Variants in LRMDA observed in about 807,000 individuals in gnomAD.
LRMDA encodes leucine-rich melanocyte differentiation-associated protein.
Under a neutral mutation model 29.8 loss-of-function variants are expected in LRMDA, and 18 were observed. The observed-to-expected ratio is 0.60, with a 90% CI of 0.42 to 0.90. LRMDA has a LOEUF of 0.90. Ranked by LOEUF, LRMDA falls within the 40% of genes least tolerant of loss-of-function variation. The pLI, the probability that LRMDA is intolerant of heterozygous loss-of-function variation, is 0.00. For synonymous variants in LRMDA, 125 were observed against 109.4 expected, an observed-to-expected ratio of 1.14 and a Z score of -0.89; for missense variants, 273 against 273.9, an observed-to-expected ratio of 1.00 and a Z score of 0.02.
chr10:75,600,362 C>T (rs1201825624), intron 2 of LRMDA, among the ~76,000 whole-genome samples: 1 of 152,106 alleles, frequency 6.6e-6, no homozygotes, highest in East Asian at 1.9e-4. Context: ...GTCCATTGGC[C>T]CTGTCCCCTA....
At chr10:75,471,393 A>G (rs1844724534) in intron 2 of LRMDA, among the ~76,000 whole-genome samples, 1 of 151,894 alleles carries the variant, frequency 6.6e-6, no homozygotes, top group African/African-American at 2.4e-5. Context: ...GTTGAACTTC[A>G]GCTTCAAACC....
rs535039516 is a variant in LRMDA, at chr10:76,103,247, C to A, written c.516+44464C>A. 2.0e-5 allele frequency among the ~76,000 whole-genome samples: 3 copies of A among 152,304 alleles called. No homozygotes were observed. In the South Asian group the frequency reaches 6.2e-4, roughly 32 times the overall value. ...TAAGACTTTCCTAGCAATTTCATAA[C>A]CTTCTTGGATGGAAGATACAACATG... On this transcript the variant is annotated intron_variant, in intron 5 of 6. Coordinates refer to ENST00000611255, the MANE Select transcript of LRMDA (RefSeq NM_001305581.2).
At chr10:75,703,304 A>G (rs1311792630) in intron 2 of LRMDA, among the ~76,000 whole-genome samples, 2 of 152,226 alleles carry the variant, frequency 1.3e-5, no homozygotes, top group Non-Finnish European at 2.9e-5. Context: ...CAAGCGTCAT[A>G]TAAAAACTCA....
rs868757500 is a variant in LRMDA at position 75,598,499 on chromosome 10, A to T, written c.131+160005A>T. ...TGGACGATGTAGTATGTTTTCTGAG[A>T]GAGCTGTCCATGACATCTCCTTCTA... On this transcript the variant is annotated intron_variant, in intron 2 of 6. Coordinates refer to ENST00000611255, the MANE Select transcript of LRMDA (RefSeq NM_001305581.2). 3.2e-4 allele frequency among the ~76,000 whole-genome samples: 49 copies of T among 152,198 alleles called. 1 individual carries two copies. Among genetic ancestry groups the T allele is most frequent in the African/African-American group, 1.1e-3 (46 of 41,538 alleles).
intron 2 of LRMDA, among the ~76,000 whole-genome samples, chr10:75,632,150 G>T (rs1354595255): frequency 6.6e-6 from 1 of 152,170 alleles, no homozygotes; most frequent in Non-Finnish European, 1.5e-5. Context: ...CTGGGAGCTT[G>T]GTTACTCTAG....
rs548091017 is a variant in LRMDA, at chr10:76,356,698, C to A, written c.601+32213C>A. On this transcript the variant is annotated intron_variant, in intron 6 of 6. Transcript: ENST00000611255. Reference sequence around the variant, plus strand: ...CGTGTACATCTGTTGATATGCATTCCTCTTCATCATCTGTAGGCATTTTAC... The same window carrying A: ...CGTGTACATCTGTTGATATGCATTCATCTTCATCATCTGTAGGCATTTTAC... Among the ~76,000 whole-genome samples, 4 of 152,252 alleles carry A rather than the reference C, an allele frequency of 2.6e-5. No homozygotes were observed. The South Asian group carries it at 6.2e-4, about 24-fold the overall frequency.
At chr10:75,680,691 G>A (rs984608447) in intron 2 of LRMDA, among the ~76,000 whole-genome samples, 1 of 152,062 alleles carries the variant, frequency 6.6e-6, no homozygotes, top group Non-Finnish European at 1.5e-5. Context: ...GGTAGGACAG[G>A]AAGATAATAA....
intron 2 of LRMDA, among the ~76,000 whole-genome samples, chr10:75,775,658 C>T (rs1405146644): frequency 1.3e-5 from 2 of 152,160 alleles, no homozygotes; most frequent in Non-Finnish European, 2.9e-5. Context: ...GGGGAAACCT[C>T]CCACATCCCA....
In LRMDA at chr10:76,058,676, C is replaced by A. The variant is rs540781321; in HGVS notation, c.409C>A (p.Leu137Met). The A allele has an allele frequency of 6.2e-7, 1 of 1,613,344 alleles. No homozygotes were observed. The highest frequency in any genetic ancestry group is 1.3e-5 in the African/African-American group (1 of 74,916). ...ACTCTTATCTTCCAGATGCTTTGTT[C>A]TGTACAAGCTGCCCAACTTGAAATT... The part of the protein sequence containing the change: ...EDYKRYRCFV[L>M]YKLPNLKFLD... The change falls in exon 5 of 7, where the codon CTG becomes ATG. Residue 137 changes from leucine to methionine, a missense_variant. Transcript: ENST00000611255.
intron 5 of LRMDA, among the ~76,000 whole-genome samples, chr10:76,103,769 G>A (rs897103743): frequency 6.6e-6 from 1 of 152,120 alleles, no homozygotes; most frequent in African/African-American, 2.4e-5. Context: ...TAAAAATTCC[G>A]GCCAGACATA....
chr10:75,459,296 C>A (rs1276657745), intron 2 of LRMDA, among the ~76,000 whole-genome samples: 1 of 152,094 alleles, frequency 6.6e-6, no homozygotes, highest in Non-Finnish European at 1.5e-5. Context: ...ATTAGCCAGG[C>A]ATGGTGGCAC....
chr10:76,292,400 C>T (rs577342394), intron 5 of LRMDA, among the ~76,000 whole-genome samples: 23 of 152,190 alleles, frequency 1.5e-4, no homozygotes, highest in Admixed American at 1.2e-3. Context: ...ATCCTTGGGA[C>T]CCTAGTCTGC....
intron 5 of LRMDA, among the ~76,000 whole-genome samples, chr10:76,090,054 G>A (rs777671443): frequency 6.6e-6 from 1 of 152,140 alleles, no homozygotes; most frequent in Non-Finnish European, 1.5e-5. Flanking sequence ...TGTCAGCAGT[G>A]GAAAATAAAC....
At chr10:76,483,362 A>C (rs1002309724) in intron 6 of LRMDA, among the ~76,000 whole-genome samples, 1 of 151,940 alleles carries the variant, frequency 6.6e-6, no homozygotes, top group Non-Finnish European at 1.5e-5. Flanking sequence ...ACTCTTTGTT[A>C]CTGGCAGCTC....
chr10:75,910,719 G>T (rs138658588), intron 2 of LRMDA, among the ~76,000 whole-genome samples: 10 of 152,288 alleles, frequency 6.6e-5, no homozygotes, highest in African/African-American at 2.4e-4. Flanking sequence ...TGATTCCTGT[G>T]CTCTTTTAGC....
rs1225951825 is a variant in LRMDA, at chr10:76,543,828, T to A, written c.602-13381T>A. Among the ~76,000 whole-genome samples the A allele has an allele frequency of 2.6e-5, 4 of 152,184 alleles. No homozygotes were observed. In the East Asian group the frequency reaches 7.7e-4, roughly 29 times the overall value. On this transcript the variant is annotated intron_variant, in intron 6 of 6. Coordinates refer to ENST00000611255, the MANE Select transcript of LRMDA (RefSeq NM_001305581.2). ...CTTTCCTTTGTGGCTGTGCCCAATG[T>A]TCATTCAAATAAAATTTCAATTGTA...
chr10:76,486,562 C>T (rs1842784318), intron 6 of LRMDA, among the ~76,000 whole-genome samples: 1 of 151,754 alleles, frequency 6.6e-6, no homozygotes, highest in Non-Finnish European at 1.5e-5. Flanking sequence ...CTGAAGAGTC[C>T]CTTTTCCTGA....
chr10:76,489,828 T>TTA (rs145825277), intron 6 of LRMDA, among the ~76,000 whole-genome samples: 11,948 of 150,460 alleles, frequency 0.079, 673 homozygotes, highest in African/African-American at 0.15. Context: ...TGTTCCCCAA[T>TTA]TATATGTATA....
rs1265901012 is a variant in LRMDA, at chr10:76,498,950, T to A, written c.602-58259T>A. 1.3e-3 allele frequency among the ~76,000 whole-genome samples: 93 copies of A among 69,854 alleles called. 25 individuals are homozygous for A. The highest frequency in any genetic ancestry group is 3.1e-3 in the African/African-American group (90 of 28,902). The allele number at this position is 69,854 out of a possible 152,430, so 45.8% of individuals were successfully genotyped here. A position where few individuals can be genotyped will look rare whatever the true frequency, so the allele number is the denominator to read the frequency against. On this transcript the variant is annotated intron_variant, in intron 6 of 6. Transcript: ENST00000611255. ...TCTATTTATAAGCCTTACAAGTTAA[T>A]GCTGGAAAGGCCAATGAGAAGAAAA...
Sources: allele counts gnomAD v4.1 joint callset (sites outside exome capture counted in the v4.1 genomes callset), GRCh38; gene constraint gnomAD v4.1.1; transcripts MANE v1.5; gene names NCBI Gene and HGNC (gene_info 2026-07-23, HGNC 2026-07-21).